The following SLC16A14 variants were observed in gnomAD, a reference collection of about 807,000 sequenced individuals.
SLC16A14 encodes the protein solute carrier family 16 member 14.
In SLC16A14, 14 loss-of-function variants were observed where a neutral mutation model predicts 35.8. The observed-to-expected ratio is 0.39, with a 90% CI of 0.26 to 0.61. SLC16A14 has a LOEUF of 0.61. Among genes scored for constraint, SLC16A14 ranks in the 20% least tolerant of loss-of-function variants. SLC16A14 has a pLI of 0.51. For missense variants in SLC16A14, 533 were observed against 655.0 expected (o/e 0.81, Z 2.03); for synonymous variants, 248 against 258.9 (o/e 0.96, Z 0.40).
chr2:230,066,614 C>A (rs1261525986), intron 1 of SLC16A14: 6 of 426,610 alleles, frequency 1.4e-5, no homozygotes, highest in Non-Finnish European at 1.8e-5. Flanking sequence ...TCTACAGCAG[C>A]GTAGAAAGTT....
intron 2 of SLC16A14, among the ~76,000 whole-genome samples, chr2:230,056,879 T>TAAAAAAAAA (rs60620443): frequency 7.0e-4 from 67 of 95,158 alleles, no homozygotes; most frequent in Middle Eastern, 0.011. Context: ...CTACAAAAAG[T>TAAAAAAAAA]AAAAAAAAAA....
chr2:230,046,085 C>T lies in SLC16A14; in HGVS notation c.1041G>A (p.Ser347=). Residue 347 remains serine, a synonymous_variant, in exon 4 of 5, where the codon TCG becomes TCA. Transcript: ENST00000295190. The surrounding 1 kb of genome is among the most constrained non-coding windows in gnomAD (Gnocchi z 5.0). ...TCAGAGGGAAAACGTCGTTTTGCTC[C>T]GATAAGTTATACAAATTGACGATTT... ...LPEIVNLYNL[S]EQNDVFPLTS... is the part of the protein sequence containing the mutation. The T allele has an allele frequency of 7.4e-6, 12 of 1,614,004 alleles. No homozygotes were observed. The highest frequency in any genetic ancestry group is 1.0e-5 in the Non-Finnish European group (12 of 1,179,956).
intron 2 of SLC16A14, among the ~76,000 whole-genome samples, chr2:230,055,474 C>A (rs1328335782): frequency 6.6e-6 from 1 of 152,158 alleles, no homozygotes; most frequent in Non-Finnish European, 1.5e-5. Flanking sequence ...AAATGTTTAT[C>A]TGGCAGGCAG....
In SLC16A14 at chr2:230,035,482, A is replaced by G; in HGVS notation, c.*1898T>C. On this transcript the variant is annotated 3_prime_UTR_variant, in exon 5 of 5. Transcript: ENST00000295190. ...AAGCAATGTAGTTTTTAAAACATACAACATGTGTTTCAATCTAATCATCCT... is the reference window on the plus strand; with the variant it reads ...AAGCAATGTAGTTTTTAAAACATACGACATGTGTTTCAATCTAATCATCCT... The G allele has an allele frequency of 6.5e-6, 1 of 152,672 alleles. No individual in the cohort carries two copies. The highest frequency in any genetic ancestry group is 6.5e-5 in the Admixed American group (1 of 15,276). 9.5% of individuals were successfully genotyped at this position (152,672 alleles called of 1,614,324 possible). A position where few individuals can be genotyped will look rare whatever the true frequency, so the allele number is the denominator to read the frequency against.
At chr2:230,061,517 C>T (rs13030381) in intron 1 of SLC16A14, among the ~76,000 whole-genome samples, 32,952 of 152,014 alleles carry the variant, frequency 0.22, 3,914 homozygotes, top group East Asian at 0.49. Context: ...TATGTGTTGC[C>T]GCCTTTCTCA....
chr2:230,061,282 T>C (rs756194800), intron 1 of SLC16A14, among the ~76,000 whole-genome samples: 1 of 152,276 alleles, frequency 6.6e-6, no homozygotes, highest in Non-Finnish European at 1.5e-5. Context: ...ATTTTAATTA[T>C]GTATATGTAT....
chr2:230,037,728 C>G (rs200007553), intron 4 of SLC16A14, among the ~76,000 whole-genome samples, 197 bp from the exon 5 acceptor site: 2 of 151,614 alleles, frequency 1.3e-5, no homozygotes, highest in East Asian at 3.8e-4. Flanking sequence ...CTCATTTAGC[C>G]ATTTTAAAGG....
intron 4 of SLC16A14, among the ~76,000 whole-genome samples, chr2:230,040,546 T>A (rs2077553156): frequency 6.6e-6 from 1 of 152,140 alleles, no homozygotes; most frequent in African/African-American, 2.4e-5. Flanking sequence ...TATTATTTTT[T>A]TTTAAAAACT....
intron 2 of SLC16A14, among the ~76,000 whole-genome samples, chr2:230,052,118 G>A (rs1211182521): frequency 6.6e-6 from 1 of 151,964 alleles, no homozygotes; most frequent in African/African-American, 2.4e-5. Context: ...TGTATTTTTA[G>A]TAGAGACGGG....
At chr2:230,045,647 T>G (rs2077598520) in intron 4 of SLC16A14, 98 bp downstream of exon 4, 2 of 1,348,522 alleles carry the variant, frequency 1.5e-6, no homozygotes, top group Admixed American at 2.0e-5. Context: ...AAAAGGAAAA[T>G]GTACACAAAT....
At chr2:230,040,251 C>G (rs1029857087) in intron 4 of SLC16A14, among the ~76,000 whole-genome samples, 18 of 151,738 alleles carry the variant, frequency 1.2e-4, no homozygotes, top group Non-Finnish European at 2.2e-4. Context: ...CGGAGTCTCA[C>G]TCTGTCACCC....
At chr2:230,040,967 C>T (rs2106242910) in intron 4 of SLC16A14, among the ~76,000 whole-genome samples, 1 of 152,296 alleles carries the variant, frequency 6.6e-6, no homozygotes, top group South Asian at 2.1e-4. Flanking sequence ...TTCACCACCC[C>T]TCCTGCAGGT....
intron 4 of SLC16A14, among the ~76,000 whole-genome samples, chr2:230,041,054 A>G (rs1452550636): frequency 2.0e-5 from 3 of 152,330 alleles, no homozygotes; most frequent in East Asian, 1.9e-4. Flanking sequence ...CCAAGCACCA[A>G]TTCAAACCTA....
At chr2:230,053,486 G>A (rs137890451) in intron 2 of SLC16A14, among the ~76,000 whole-genome samples, 1 of 152,156 alleles carries the variant, frequency 6.6e-6, no homozygotes, top group East Asian at 1.9e-4. Flanking sequence ...ATTTCCCACT[G>A]TAATAAAGTG....
intron 4 of SLC16A14, among the ~76,000 whole-genome samples, chr2:230,040,324 A>G (rs1489446910): frequency 6.6e-6 from 1 of 151,986 alleles, no homozygotes; most frequent in African/African-American, 2.4e-5. Flanking sequence ...GGTTCAAGCA[A>G]TTCTCCTGCC....
At chr2:230,056,252 G>GTT (rs5839355) in intron 2 of SLC16A14, among the ~76,000 whole-genome samples, 61 of 110,004 alleles carry the variant, frequency 5.5e-4, no homozygotes, top group Non-Finnish European at 6.3e-4. Context: ...TAATATTGGT[G>GTT]TTTTTTTTTT....
chr2:230,058,028 TA>T (rs35641768), intron 2 of SLC16A14, among the ~76,000 whole-genome samples: 32,058 of 134,104 alleles, frequency 0.24, 3,743 homozygotes, highest in East Asian at 0.49. Context: ...GACTCTGTCT[TA>T]AAAAAAAAAA....
rs1264937569 is a variant in SLC16A14, at chr2:230,038,659, C to T, written c.1382-1128G>A. On this transcript the variant is annotated intron_variant, in intron 4 of 4. Transcript: ENST00000295190. The surrounding 1 kb of genome is among the most constrained non-coding windows in gnomAD (Gnocchi z 4.4). ...GTGGCTCACACCTGTAATCCCAGCA[C>T]TTTGGGAGACCAAGGCGGGCAGATC... Among the ~76,000 whole-genome samples, 1 of 152,144 alleles carries T rather than the reference C, an allele frequency of 6.6e-6. No homozygotes were observed. The highest frequency in any genetic ancestry group is 1.5e-5 in the Non-Finnish European group (1 of 68,020).
At chr2:230,060,685 T>TG (rs2077745244) in intron 1 of SLC16A14, among the ~76,000 whole-genome samples, 1 of 149,274 alleles carries the variant, frequency 6.7e-6, no homozygotes, top group Non-Finnish European at 1.5e-5. Context: ...ATGGTTTTTT[T>TG]TGGGGGGAGG....
Sources: allele counts gnomAD v4.1 joint callset (sites outside exome capture counted in the v4.1 genomes callset), GRCh38; gene constraint gnomAD v4.1.1; non-coding constraint Gnocchi (gnomAD v3.1); transcripts MANE v1.5; gene names NCBI Gene and HGNC (gene_info 2026-07-23, HGNC 2026-07-21).